The following LRRK2 variants were observed in gnomAD, a reference collection of about 807,000 sequenced individuals.
The protein encoded by LRRK2 is leucine-rich repeat serine/threonine-protein kinase 2.
A neutral mutation model predicts 302.6 loss-of-function variants in LRRK2; 203 were observed. The ratio of observed to expected loss-of-function variants is 0.67; its 90% CI spans 0.60 to 0.75. LRRK2 has a LOEUF of 0.75. LRRK2 is among the 30% of genes least tolerant of loss of function. LRRK2 has a pLI of 0.00. For missense variants in LRRK2, 2,830 were observed against 2,951.0 expected (o/e 0.96, Z 0.95); for synonymous variants, 1,066 against 1,031.9 (o/e 1.03, Z -0.63).
At chr12:40,232,440 C>A in intron 3 of LRRK2, 57 bp downstream of exon 3, 2 of 1,211,220 alleles carry the variant, frequency 1.7e-6, no homozygotes, top group African/African-American at 1.5e-5. Context: ...GTACACATGA[C>A]AACCTTCCCT....
At chr12:40,317,278 A>G (rs1945255056) in intron 33 of LRRK2, among the ~76,000 whole-genome samples, 1 of 152,232 alleles carries the variant, frequency 6.6e-6, no homozygotes, top group East Asian at 1.9e-4. Flanking sequence ...CGATTAACCT[A>G]AAAAAGAAGT....
At chr12:40,232,122 T>G (rs1592135386) in intron 2 of LRRK2, 152 bp from the exon 3 acceptor site, 4 of 658,948 alleles carry the variant, frequency 6.1e-6, no homozygotes, top group Non-Finnish European at 5.4e-6. Flanking sequence ...TGTTTCTGGG[T>G]AAGCATTTTA....
rs781604540 is a variant in LRRK2 at position 40,298,501 on chromosome 12, A to G, written c.3347+8A>G. On this transcript the variant is annotated splice_region_variant and intron_variant, in intron 24 of 50. Coordinates refer to ENST00000298910, the MANE Select transcript of LRRK2 (RefSeq NM_198578.4). ...GCAGCTCATTTTAGAAGGGTAAGAA[A>G]GAGCTCATTAAAAATAAAAGGGTTG... The G allele has an allele frequency of 1.2e-6, 2 of 1,613,816 alleles. No homozygotes were observed. Among genetic ancestry groups the G allele is most frequent in the Non-Finnish European group, 1.7e-6 (2 of 1,179,924 alleles).
intron 49 of LRRK2, chr12:40,365,307 TTTTACC>T: frequency 2.4e-6 from 1 of 418,294 alleles, no homozygotes; most frequent in Non-Finnish European, 4.3e-6. Context: ...CTTTTTTCCT[TTTTACC>T]TAAGGCAAAA....
At chr12:40,226,669 C>G (rs557328568) in intron 2 of LRRK2, among the ~76,000 whole-genome samples, 2 of 151,366 alleles carry the variant, frequency 1.3e-5, no homozygotes, top group South Asian at 4.1e-4. Flanking sequence ...TATTTTCCAT[C>G]TGACTATTAT....
intron 7 of LRRK2, among the ~76,000 whole-genome samples, chr12:40,248,607 C>T (rs892346635): frequency 6.6e-6 from 1 of 152,070 alleles, no homozygotes; most frequent in Non-Finnish European, 1.5e-5. Context: ...AAATTAAAAC[C>T]TCAAGTAAAT....
At chr12:40,349,008 T>C (rs1315420478) in intron 43 of LRRK2, among the ~76,000 whole-genome samples, 1 of 152,180 alleles carries the variant, frequency 6.6e-6, no homozygotes, top group Non-Finnish European at 1.5e-5. Context: ...CCCATCTTTC[T>C]TTTAGAGCTA....
At chr12:40,308,385 T>A in intron 28 of LRRK2, 82 bp from the exon 29 acceptor site, 2 of 1,008,170 alleles carry the variant, frequency 2.0e-6, no homozygotes, top group Non-Finnish European at 3.0e-6. Context: ...TTTAGAATAG[T>A]GTGACATGTA....
At chr12:40,227,223 T>C (rs1475918894) in intron 2 of LRRK2, among the ~76,000 whole-genome samples, 1 of 152,190 alleles carries the variant, frequency 6.6e-6, no homozygotes, top group Non-Finnish European at 1.5e-5. Flanking sequence ...GGGATACATA[T>C]GCTATTTGAT....
rs114007915 is a variant in LRRK2, at chr12:40,312,434, T to C, written c.4537-1538T>C. On this transcript the variant is annotated intron_variant, in intron 31 of 50. Coordinates refer to ENST00000298910, the MANE Select transcript of LRRK2 (RefSeq NM_198578.4). ...CTGCCAGAACTTGAAAATTCTTTCT[T>C]CCCTGAGGTGCTTCAACCTGAATTC... is the stretch of plus-strand genomic sequence containing the variant. Among the ~76,000 whole-genome samples, 744 of 152,254 alleles carry C rather than the reference T, an allele frequency of 4.9e-3. 16 individuals are homozygous for C. The highest frequency in any genetic ancestry group is 0.017 in the African/African-American group (712 of 41,552).
At chr12:40,333,488 A>G (rs1451211376) in intron 39 of LRRK2, among the ~76,000 whole-genome samples, 1 of 152,136 alleles carries the variant, frequency 6.6e-6, no homozygotes, top group East Asian at 1.9e-4. Context: ...AATATACAGT[A>G]TAAAGCGAAT....
chr12:40,338,325 T>C (rs1399527909), intron 40 of LRRK2, among the ~76,000 whole-genome samples: 4 of 152,218 alleles, frequency 2.6e-5, no homozygotes, highest in Non-Finnish European at 4.4e-5. Context: ...AGATACCTAG[T>C]ACATATTTGT....
At chr12:40,266,863 G>A (rs1279854916) in intron 14 of LRRK2, among the ~76,000 whole-genome samples, 2 of 151,136 alleles carry the variant, frequency 1.3e-5, no homozygotes, top group Non-Finnish European at 3.0e-5. Context: ...GGACATGGAT[G>A]GTACTCAGCA....
At chr12:40,307,502 A>T (rs1056096082) in intron 28 of LRRK2, among the ~76,000 whole-genome samples, 4 of 152,100 alleles carry the variant, frequency 2.6e-5, no homozygotes, top group Non-Finnish European at 4.4e-5. Context: ...ATGAAAGCTA[A>T]CATCTGCTGA....
chr12:40,313,840 G>T, intron 31 of LRRK2, 132 bp from the exon 32 acceptor site: 2 of 677,750 alleles, frequency 3.0e-6, no homozygotes, highest in East Asian at 2.8e-5. Flanking sequence ...ATTATATTTT[G>T]ATTTTATTTA....
intron 2 of LRRK2, among the ~76,000 whole-genome samples, chr12:40,226,056 C>T (rs1313468213): frequency 6.6e-6 from 1 of 152,152 alleles, no homozygotes; most frequent in Non-Finnish European, 1.5e-5. Flanking sequence ...TGATAAAATG[C>T]AACTTTGTCA....
At chr12:40,309,590 A>C (rs574542969) in intron 30 of LRRK2, among the ~76,000 whole-genome samples, 19 of 152,248 alleles carry the variant, frequency 1.2e-4, no homozygotes, top group Admixed American at 9.2e-4. Flanking sequence ...ATATATATAT[A>C]TCTCATCAAC....
Position 40,329,752 on chromosome 12 carries a change from T to G in LRRK2, c.5757+1292T>G, listed in dbSNP as rs539214348. Among the ~76,000 whole-genome samples the G allele has an allele frequency of 1.9e-3, 287 of 152,292 alleles. 1 individual carries two copies. Among genetic ancestry groups the G allele is most frequent in the Non-Finnish European group, 3.5e-3 (237 of 68,018 alleles). ...TTACCCTGATTTAAAAAAAAATTTG[T>G]TTTTAGAGATGGAGTCTCATTAGGT... On this transcript the variant is annotated intron_variant, in intron 39 of 50. Transcript: ENST00000298910.
intron 23 of LRRK2, among the ~76,000 whole-genome samples, chr12:40,295,919 C>A (rs1944369822): frequency 6.6e-6 from 1 of 152,102 alleles, no homozygotes; most frequent in Non-Finnish European, 1.5e-5. Context: ...ATTGATTATA[C>A]TTTAATCATT....
Sources: gnomAD v4.1 joint callset for allele counts (sites outside exome capture counted in the v4.1 genomes callset) on GRCh38, gnomAD v4.1.1 for gene constraint, MANE v1.5 for transcripts, NCBI Gene and HGNC (gene_info 2026-07-23, HGNC 2026-07-21) for gene names.